The following GPC5 variants were observed in gnomAD, a reference collection of about 807,000 sequenced individuals.
GPC5 encodes the protein glypican 5, also known as glypican-5.
GPC5 carries 47 observed loss-of-function variants against 53.9 expected under a neutral mutation model. The observed-to-expected ratio is 0.87, with a 90% CI of 0.69 to 1.11. The LOEUF (loss-of-function observed/expected upper bound fraction) is 1.11, where lower values mean the gene tolerates loss of function less well. Ranked by LOEUF, GPC5 falls within the 50% of genes most tolerant of loss-of-function variation. The pLI is 0.00. For synonymous variants in GPC5, 286 were observed against 263.3 expected, an observed-to-expected ratio of 1.09 and a Z score of -0.84; for missense variants, 748 against 713.1, an observed-to-expected ratio of 1.05 and a Z score of -0.56.
intron 7 of GPC5, among the ~76,000 whole-genome samples, chr13:92,492,556 CA>C (rs1191627671): frequency 1.3e-5 from 2 of 151,386 alleles, no homozygotes; most frequent in African/African-American, 2.4e-5. Flanking sequence ...TAAAACAAAA[CA>C]AAAAAAGTAA....
At chr13:92,482,943 A>T (rs1253128151) in intron 7 of GPC5, among the ~76,000 whole-genome samples, 1 of 152,184 alleles carries the variant, frequency 6.6e-6, no homozygotes, top group African/African-American at 2.4e-5. Flanking sequence ...CCAGTTCCAC[A>T]TGGCTGGGGA....
intron 7 of GPC5, among the ~76,000 whole-genome samples, chr13:92,670,768 A>G (rs1403911090): frequency 6.6e-6 from 1 of 152,146 alleles, no homozygotes; most frequent in Non-Finnish European, 1.5e-5. Context: ...ACAAGCCTTT[A>G]GCCTTTTTCT....
chr13:92,839,329 A>C (rs759635047), intron 7 of GPC5, among the ~76,000 whole-genome samples: 5 of 152,202 alleles, frequency 3.3e-5, no homozygotes, highest in Non-Finnish European at 7.3e-5. Context: ...TTTCAGGAGC[A>C]AATGTACAGG....
intron 7 of GPC5, among the ~76,000 whole-genome samples, chr13:92,685,424 A>G (rs921511507): frequency 4.6e-5 from 7 of 151,928 alleles, no homozygotes; most frequent in African/African-American, 1.7e-4. Flanking sequence ...GGAAACTAAA[A>G]CTTCACCTGT....
chr13:92,564,079 A>T (rs1882790208), intron 7 of GPC5, among the ~76,000 whole-genome samples: 2 of 152,074 alleles, frequency 1.3e-5, no homozygotes, highest in Non-Finnish European at 2.9e-5. Context: ...GTATATAGAG[A>T]GAAATAATTC....
At chr13:91,705,717 G>T (rs372496878) in intron 3 of GPC5, among the ~76,000 whole-genome samples, 3 of 144,756 alleles carry the variant, frequency 2.1e-5, no homozygotes, top group Non-Finnish European at 4.5e-5. Flanking sequence ...ATTTCCAAAT[G>T]ACATGTAGTT....
At chr13:92,080,589 G>A (rs1288582307) in intron 6 of GPC5, among the ~76,000 whole-genome samples, 2 of 151,952 alleles carry the variant, frequency 1.3e-5, no homozygotes, top group South Asian at 2.1e-4. Flanking sequence ...TTCATCTCAG[G>A]TTTTCATGCT....
chr13:91,719,333 T>C (rs1303255855), intron 3 of GPC5, among the ~76,000 whole-genome samples: 1 of 152,240 alleles, frequency 6.6e-6, no homozygotes, highest in Non-Finnish European at 1.5e-5. Flanking sequence ...ATATGTGTGC[T>C]CTGACTGCTA....
chr13:92,690,614 C>T (rs1887353718), intron 7 of GPC5, among the ~76,000 whole-genome samples: 1 of 145,392 alleles, frequency 6.9e-6, no homozygotes. Context: ...TGGTGAGGAA[C>T]TGCGTTCCTT....
chr13:91,784,449 G>T (rs1320480720), intron 5 of GPC5, among the ~76,000 whole-genome samples: 1 of 152,146 alleles, frequency 6.6e-6, no homozygotes, highest in Admixed American at 6.5e-5. Context: ...TTGAGGCCGG[G>T]CGCAGTGGCT....
At chr13:92,691,787 C>G (rs1205268579) in intron 7 of GPC5, among the ~76,000 whole-genome samples, 1 of 149,872 alleles carries the variant, frequency 6.7e-6, no homozygotes, top group Non-Finnish European at 1.5e-5. Context: ...TTTTTTTATA[C>G]CTTAAACTAC....
At chr13:92,112,762 G>T (rs1204980257) in intron 6 of GPC5, among the ~76,000 whole-genome samples, 1 of 152,074 alleles carries the variant, frequency 6.6e-6, no homozygotes, top group Non-Finnish European at 1.5e-5. Flanking sequence ...ATATATGTAT[G>T]TGTTGTGAAA....
At chr13:92,449,070 C>G (rs1877951420) in intron 7 of GPC5, 1 of 151,168 alleles carries the variant, frequency 6.6e-6, no homozygotes, top group African/African-American at 2.4e-5. Flanking sequence ...CTCTTTACAA[C>G]CATTTTTATA....
At chr13:91,687,212 C>A (rs922969885) in intron 2 of GPC5, among the ~76,000 whole-genome samples, 2 of 151,926 alleles carry the variant, frequency 1.3e-5, no homozygotes, top group African/African-American at 4.8e-5. Flanking sequence ...TCTTCGGTTT[C>A]TCTCATTACA....
chr13:91,803,803 C>CACACAT lies in GPC5; in HGVS notation c.1280+47386_1280+47387insCATACA, dbSNP rs71113763. 8.7e-3 allele frequency among the ~76,000 whole-genome samples: 1,300 copies of CACACAT among 150,082 alleles called. 11 individuals carry two copies. The highest frequency in any genetic ancestry group is 0.039 in the East Asian group (194 of 5,036). On this transcript the variant is annotated intron_variant, in intron 5 of 7. Transcript: ENST00000377067. ...ACAGACACACACACACACACACACA[C>CACACAT]ACAGAGGAAAAGAGATGAGATAAGA...
intron 7 of GPC5, among the ~76,000 whole-genome samples, chr13:92,153,890 T>A (rs1190483998): frequency 6.6e-6 from 1 of 152,210 alleles, no homozygotes; most frequent in Admixed American, 6.5e-5. Flanking sequence ...TATGACAAAT[T>A]TTTGCTTCCT....
At chr13:92,381,919 ATCATAT>A (rs2043749921) in intron 7 of GPC5, among the ~76,000 whole-genome samples, 1 of 45,140 alleles carries the variant, frequency 2.2e-5, no homozygotes, top group Admixed American at 2.1e-4. Context: ...GATATATATA[ATCATAT>A]ATATGATTAT....
At chr13:92,564,499 G>C (rs935934908) in intron 7 of GPC5, among the ~76,000 whole-genome samples, 2 of 151,670 alleles carry the variant, frequency 1.3e-5, no homozygotes, top group Admixed American at 6.6e-5. Context: ...TTTATTTTTT[G>C]GTGTTTAATT....
At chr13:91,914,674 G>A (rs76283477) in intron 6 of GPC5, among the ~76,000 whole-genome samples, 1 of 148,810 alleles carries the variant, frequency 6.7e-6, no homozygotes, top group South Asian at 2.1e-4. Context: ...TTAGGATACC[G>A]ATATAATAAA....
Sources: allele counts gnomAD v4.1 joint callset (sites outside exome capture counted in the v4.1 genomes callset), GRCh38; gene constraint gnomAD v4.1.1; transcripts MANE v1.5; gene names NCBI Gene and HGNC (gene_info 2026-07-23, HGNC 2026-07-21).